Variants in OSBPL1A observed in about 807,000 individuals in gnomAD.
OSBPL1A encodes oxysterol-binding protein-related protein 1.
OSBPL1A carries 80 observed loss-of-function variants against 137.1 expected under a neutral mutation model. The ratio of observed to expected loss-of-function variants is 0.58; its 90% CI spans 0.49 to 0.70. The LOEUF is 0.70. OSBPL1A is among the 30% of genes least tolerant of loss of function. The pLI, the probability that OSBPL1A is intolerant of heterozygous loss-of-function variation, is 0.00. For synonymous variants in OSBPL1A, 365 were observed against 389.7 expected (o/e 0.94, Z 0.75); for missense variants, 970 against 1,129.4 (o/e 0.86, Z 2.02).
At chr18:24,234,008 A>G (rs2088364284) in intron 16 of OSBPL1A, among the ~76,000 whole-genome samples, 1 of 152,178 alleles carries the variant, frequency 6.6e-6, no homozygotes, top group African/African-American at 2.4e-5. Context: ...ACTGAAGGAA[A>G]CACAAAAAAA....
chr18:24,238,829 C>T (rs914087372), intron 16 of OSBPL1A, among the ~76,000 whole-genome samples: 9 of 152,322 alleles, frequency 5.9e-5, no homozygotes, highest in Admixed American at 5.9e-4. Flanking sequence ...CGCTTCGTTA[C>T]CTGTATTCTT....
At position 24,181,151 on chromosome 18, in the gene OSBPL1A, C is replaced by G. The variant is rs753563577; in HGVS notation, c.1806G>C (p.Arg602Ser). The G allele has an allele frequency of 6.2e-7, 1 of 1,613,850 alleles. No homozygotes were observed. The highest frequency in any genetic ancestry group is 8.5e-7 in the Non-Finnish European group (1 of 1,179,892). ...KASSLSDPVE[R>S]MQCVAAFAVS... Reference sequence around the variant, plus strand: ...TTCCTCCCTTGGCTCATACCTGCATCCTTTCCACAGGATCAGAGAGTGAAC... The same window carrying G: ...TTCCTCCCTTGGCTCATACCTGCATGCTTTCCACAGGATCAGAGAGTGAAC... The change falls in exon 19 of 28, where the codon AGG becomes AGC. Residue 602 changes from arginine (R) to serine (S), a missense_variant. Arg to Ser is a moderately radical substitution (Grantham distance 110). Coordinates refer to ENST00000319481, the MANE Select transcript of OSBPL1A (RefSeq NM_080597.4).
At chr18:24,164,515 G>A (rs978506911) in intron 27 of OSBPL1A, among the ~76,000 whole-genome samples, 1 of 131,712 alleles carries the variant, frequency 7.6e-6, no homozygotes, top group Admixed American at 9.0e-5. Flanking sequence ...TGCAAGCTCT[G>A]CCTCCCGGGT....
chr18:24,274,392 A>C (rs2146063449), intron 15 of OSBPL1A, among the ~76,000 whole-genome samples: 1 of 152,280 alleles, frequency 6.6e-6, no homozygotes, highest in East Asian at 1.9e-4. Flanking sequence ...GTTGGTTTTG[A>C]AATGCTTCTG....
At chr18:24,349,538 G>A (rs2091401894) in intron 4 of OSBPL1A, among the ~76,000 whole-genome samples, 1 of 152,070 alleles carries the variant, frequency 6.6e-6, no homozygotes, top group Non-Finnish European at 1.5e-5. Context: ...GTTAGGTTTT[G>A]TTACATGGCA....
At chr18:24,163,931 C>T (rs2086080423) in intron 27 of OSBPL1A, among the ~76,000 whole-genome samples, 1 of 152,042 alleles carries the variant, frequency 6.6e-6, no homozygotes, top group African/African-American at 2.4e-5. Context: ...AGGGTTTCTC[C>T]ATGTTGGTCA....
rs775226164 is a variant in OSBPL1A, at chr18:24,312,090, A to G, written c.986T>C (p.Ile329Thr). 21 of 1,613,982 alleles carry G rather than the reference A, an allele frequency of 1.3e-5. No individual in the cohort carries two copies. The highest frequency in any genetic ancestry group is 1.6e-5 in the Non-Finnish European group (19 of 1,179,924). Residue 329 changes from isoleucine (I) to threonine (T), a missense_variant, in exon 13 of 28, where the codon ATA becomes ACA. This residue lies in a region of OSBPL1A where 647 missense variants were observed against 672.6 expected (regional missense o/e 0.96). Coordinates refer to ENST00000319481, the MANE Select transcript of OSBPL1A (RefSeq NM_080597.4). ...QQSREDWLEA[I>T]EEHSAYSTHY... ...AGTGCTGTAAGCAGAATGTTCTTCT[A>G]TTGCTTCCAGCCAGTCCTGAAATCA... is the stretch of plus-strand genomic sequence containing the variant.
At chr18:24,329,261 T>A (rs1348773588) in intron 7 of OSBPL1A, among the ~76,000 whole-genome samples, 2 of 151,722 alleles carry the variant, frequency 1.3e-5, no homozygotes, top group Non-Finnish European at 2.9e-5. Context: ...AGAAAATTTT[T>A]AAAAGACATT....
intron 17 of OSBPL1A, among the ~76,000 whole-genome samples, chr18:24,216,518 A>C (rs2087708030): frequency 6.6e-6 from 1 of 152,252 alleles, no homozygotes; most frequent in Non-Finnish European, 1.5e-5. Flanking sequence ...AGAAGAAAAA[A>C]GAAAAAGGAA....
At chr18:24,320,612 C>T (rs188478198) in intron 7 of OSBPL1A, among the ~76,000 whole-genome samples, 3 of 152,246 alleles carry the variant, frequency 2.0e-5, no homozygotes, top group East Asian at 1.9e-4. Context: ...GTAGGCCAGA[C>T]TTTTGTAAGC....
chr18:24,334,432 G>T, intron 5 of OSBPL1A, 102 bp from the exon 6 acceptor site: 2 of 719,072 alleles, frequency 2.8e-6, no homozygotes, highest in Non-Finnish European at 2.1e-6. Flanking sequence ...AAAATGTTTT[G>T]GATTGTAATT....
chr18:24,384,598 G>A (rs112604651), intron 1 of OSBPL1A, among the ~76,000 whole-genome samples: 2,376 of 148,154 alleles, frequency 0.016, 63 homozygotes, highest in African/African-American at 0.056. Context: ...GCCGGGGGCG[G>A]GTGGCTCATG....
Position 24,367,228 on chromosome 18 carries a change from T to TTATATATATATATATATA in OSBPL1A, c.208-280_208-263dup, listed in dbSNP as rs35876308. Among the ~76,000 whole-genome samples the TTATATATATATATATATA allele has an allele frequency of 1.2e-3, 171 of 147,146 alleles. 1 individual carries two copies. The highest frequency in any genetic ancestry group is 3.7e-3 in the South Asian group (17 of 4,582). On this transcript the variant is annotated intron_variant, in intron 3 of 27. Transcript: ENST00000319481. Reference sequence around the variant, plus strand: ...TCTGGCACTATAGCGAGACTCCATCTTATATATATATATATATATGTACAC... The same window carrying TTATATATATATATATATA: ...TCTGGCACTATAGCGAGACTCCATCTTATATATATATATATATATATATATATATATATATATGTACAC...
intron 17 of OSBPL1A, among the ~76,000 whole-genome samples, chr18:24,220,761 G>T (rs538527589): frequency 1.3e-5 from 2 of 151,922 alleles, no homozygotes; most frequent in Non-Finnish European, 2.9e-5. Context: ...ATCTAATGAC[G>T]TCTGAGCCCA....
Position 24,203,519 on chromosome 18 carries a change from T to A in OSBPL1A, c.1602-7319A>T, listed in dbSNP as rs191081596. 3.1e-3 allele frequency among the ~76,000 whole-genome samples: 465 copies of A among 152,262 alleles called. 1 individual carries two copies. Among genetic ancestry groups the A allele is most frequent in the African/African-American group, 0.011 (438 of 41,554 alleles). ...CTTCACATCGACAGACACAGGTATA[T>A]CTTTCTTTGTAATACCTTTAGGCAC... On this transcript the variant is annotated intron_variant, in intron 17 of 27. Coordinates refer to ENST00000319481, the MANE Select transcript of OSBPL1A (RefSeq NM_080597.4).
intron 17 of OSBPL1A, among the ~76,000 whole-genome samples, chr18:24,219,131 A>T (rs146556392): frequency 6.8e-6 from 1 of 148,146 alleles, no homozygotes; most frequent in Non-Finnish European, 1.5e-5. Flanking sequence ...CATATCTGGA[A>T]AAAAAAAATT....
chr18:24,375,537 A>G (rs1906042741), intron 2 of OSBPL1A, among the ~76,000 whole-genome samples: 1 of 152,032 alleles, frequency 6.6e-6, no homozygotes, highest in South Asian at 2.1e-4. Context: ...TTCTTCCTTG[A>G]ACCATTTTTT....
chr18:24,244,551 G>A (rs1318884928), intron 15 of OSBPL1A, among the ~76,000 whole-genome samples: 1 of 152,148 alleles, frequency 6.6e-6, no homozygotes, highest in Non-Finnish European at 1.5e-5. Context: ...AAAGCTTAAG[G>A]ACTGAACCAC....
intron 4 of OSBPL1A, among the ~76,000 whole-genome samples, chr18:24,364,154 G>T (rs925316701): frequency 1.3e-5 from 2 of 152,176 alleles, no homozygotes; most frequent in African/African-American, 4.8e-5. Context: ...CAGGCAAATG[G>T]CAAAACAGCC....
Sources: gnomAD v4.1 joint callset for allele counts (sites outside exome capture counted in the v4.1 genomes callset) on GRCh38, gnomAD v4.1.1 for gene constraint, gnomAD v4.1.1 regional missense constraint, MANE v1.5 for transcripts, NCBI Gene and HGNC (gene_info 2026-07-23, HGNC 2026-07-21) for gene names.